Variants in ZG16 observed in about 807,000 individuals in gnomAD.
The protein encoded by ZG16 is zymogen granule membrane protein 16.
Under a neutral mutation model 15.6 loss-of-function variants are expected in ZG16, and 9 were observed. That is an observed-to-expected ratio of 0.58 (90% CI 0.35 to 1.00). ZG16 has a LOEUF of 1.00. ZG16 is among the 50% of genes least tolerant of loss of function. The probability of loss-of-function intolerance (pLI) is 0.02; values close to 1 mark genes in which losing one functional copy is unlikely to be tolerated. For synonymous variants in ZG16, 89 were observed against 87.4 expected, an observed-to-expected ratio of 1.02 and a Z score of -0.10; for missense variants, 174 against 214.8, an observed-to-expected ratio of 0.81 and a Z score of 1.19.
Position 29,780,210 on chromosome 16 carries a change from G to C in ZG16, c.295G>C (p.Gly99Arg), listed in dbSNP as rs957981470. The change falls in exon 4 of 4, where the codon GGG becomes CGG. Residue 99 changes from glycine (G) to arginine (R), a missense_variant. By Grantham distance (125) the Gly-to-Arg change is moderately radical. Coordinates refer to ENST00000400752, the MANE Select transcript of ZG16 (RefSeq NM_152338.4). ...TGGGGAATCAGTGATCCAGGTTTCTGGGAAGTACAAGTGGTACCTGAAGAA... is the reference window on the plus strand; with the variant it reads ...TGGGGAATCAGTGATCCAGGTTTCTCGGAAGTACAAGTGGTACCTGAAGAA... ...HPGESVIQVS[G>R]KYKWYLKKLV... 17 of 1,537,306 alleles carry C rather than the reference G, an allele frequency of 1.1e-5. No homozygotes were observed. The highest frequency in any genetic ancestry group is 1.4e-5 in the Non-Finnish European group (16 of 1,146,944).
At chr16:29,778,921 C>T (rs928525195) in intron 1 of ZG16, among the ~76,000 whole-genome samples, 19 of 152,156 alleles carry the variant, frequency 1.2e-4, no homozygotes, top group Admixed American at 1.1e-3. Context: ...TGTACCTGGG[C>T]TTGGCTGACT....
chr16:29,779,372 G>A, intron 2 of ZG16, 51 bp downstream of exon 2: 1 of 1,536,190 alleles, frequency 6.5e-7, no homozygotes, highest in East Asian at 2.4e-5. Flanking sequence ...AGGCAGCCTT[G>A]GGCACTGCTG....
Position 29,782,146 on chromosome 16 carries a change from C to T in ZG16, c.*1727C>T, listed in dbSNP as rs1163910834. The T allele has an allele frequency of 1.3e-5, 2 of 152,218 alleles. No homozygotes were observed. The highest frequency in any genetic ancestry group is 2.9e-5 in the Non-Finnish European group (2 of 68,046). The allele number at this position is 152,218 out of a possible 1,614,324, so 9.4% of individuals were successfully genotyped here. ...GCTGGATCCCTCATCACTGCCAATA[C>T]GGGGCTAGCAATATGTCTGCCCCAG... is the stretch of plus-strand genomic sequence containing the variant. On this transcript the variant is annotated 3_prime_UTR_variant, in exon 4 of 4. Coordinates refer to ENST00000400752, the MANE Select transcript of ZG16 (RefSeq NM_152338.4).
At chr16:29,779,047 G>C in intron 1 of ZG16, among the ~76,000 whole-genome samples, 1 of 152,198 alleles carries the variant, frequency 6.6e-6, no homozygotes, top group African/African-American at 2.4e-5. Flanking sequence ...AGACCAGGGA[G>C]AGCTGGAGGG....
At chr16:29,778,406 T>C (rs1898580132) in intron 1 of ZG16, 100 bp downstream of exon 1, 1 of 152,264 alleles carries the variant, frequency 6.6e-6, no homozygotes, top group Non-Finnish European at 1.5e-5. Flanking sequence ...AGACTTGAGT[T>C]AATTGGCGCT....
intron 3 of ZG16, 23 bp from the exon 4 acceptor site, chr16:29,780,081 T>C: frequency 1.3e-6 from 2 of 1,521,656 alleles, no homozygotes; most frequent in Non-Finnish European, 1.8e-6. Context: ...TTCTTTCTCC[T>C]TCCTTCCTCC....
At position 29,780,397 on chromosome 16, in the gene ZG16, C is replaced by T. The variant is rs954266979; in HGVS notation, c.482C>T (p.Pro161Leu). ...ATTGGCCTGCACTGGGATGTTTACC[C>T]CAGTAGCTGCAGCAGATGCTGAGCC... ...DAIGLHWDVY[P>L]SSCSRC Residue 161 changes from proline (P) to leucine (L), a missense_variant, in exon 4 of 4, where the codon CCC (proline) becomes CTC (leucine). Pro to Leu is a moderately conservative substitution (Grantham distance 98). Coordinates refer to ENST00000400752, the MANE Select transcript of ZG16 (RefSeq NM_152338.4). 7.8e-6 allele frequency: 12 copies of T among 1,533,338 alleles called. No individual in the cohort carries two copies. In the African/African-American group the frequency reaches 1.6e-4, roughly 21 times the overall value. The allele number at this position is 1,533,338 out of a possible 1,614,324, so 95.0% of individuals were successfully genotyped here.
In ZG16 at chr16:29,779,955, G is replaced by A. The variant is rs988495821; in HGVS notation, c.189-149G>A. 3.1e-5 allele frequency: 24 copies of A among 772,902 alleles called. No homozygotes were observed. In the African/African-American group the frequency reaches 4.2e-4, roughly 14 times the overall value. 47.9% of individuals were successfully genotyped at this position (772,902 alleles called of 1,614,324 possible). A position where few individuals can be genotyped will look rare whatever the true frequency, so the allele number is the denominator to read the frequency against. ...CATGCCACTGCACTCCAGCCTGGGT[G>A]ACAGAGTCTCTTTGTTGGCAAAATG... is the stretch of plus-strand genomic sequence containing the variant. On this transcript the variant is annotated intron_variant, in intron 3 of 3. Transcript: ENST00000400752.
At position 29,780,015 on chromosome 16, in the gene ZG16, C is replaced by T. The variant is rs1898604366; in HGVS notation, c.189-89C>T. ...TCCCTGTAGGATCTTCCAGGGTTCA[C>T]CCAGGCTTCACAGTCTGTAGGACTA... On this transcript the variant is annotated intron_variant, in intron 3 of 3. Transcript: ENST00000400752. The T allele has an allele frequency of 7.3e-6, 9 of 1,231,584 alleles. No individual in the cohort carries two copies. In the African/African-American group the frequency reaches 7.6e-5, roughly 10 times the overall value. The allele number at this position is 1,231,584 out of a possible 1,614,324, so 76.3% of individuals were successfully genotyped here.
Position 29,780,478 on chromosome 16 carries a change from C to G in ZG16, c.*59C>G, listed in dbSNP as rs1238537182. 3 of 1,363,912 alleles carry G rather than the reference C, an allele frequency of 2.2e-6. No homozygotes were observed. Among genetic ancestry groups the G allele is most frequent in the Non-Finnish European group, 2.9e-6 (3 of 1,041,946 alleles). 84.5% of individuals were successfully genotyped at this position (1,363,912 alleles called of 1,614,324 possible). On this transcript the variant is annotated 3_prime_UTR_variant, in exon 4 of 4. Transcript: ENST00000400752. ...GAGTAAGAACTCCCTTATCACTAAC[C>G]CCCATCCAAATGGCTCAATAAAAAA...
rs561174626 is a variant in ZG16, at chr16:29,782,513, T to G, written c.*2094T>G. On this transcript the variant is annotated 3_prime_UTR_variant, in exon 4 of 4. Transcript: ENST00000400752. ...TGTTACCACTTTGAAGGTCTCAGTG[T>G]GTATGCAGGTCCTGAAAAGTTCAAG... is the stretch of plus-strand genomic sequence containing the variant. 120 of 152,284 alleles carry G rather than the reference T, an allele frequency of 7.9e-4. No homozygotes were observed. Among genetic ancestry groups the G allele is most frequent in the African/African-American group, 2.9e-3 (119 of 41,542 alleles). The allele number at this position is 152,284 out of a possible 1,614,324, so 9.4% of individuals were successfully genotyped here. A position where few individuals can be genotyped will look rare whatever the true frequency, so the allele number is the denominator to read the frequency against.
At position 29,780,385 on chromosome 16, in the gene ZG16, G is replaced by C; in HGVS notation, c.470G>C (p.Trp157Ser). Residue 157 changes from tryptophan to serine, a missense_variant, in exon 4 of 4, where the codon TGG becomes TCG. Physicochemically the swap from Trp to Ser is radical, Grantham distance 177. Coordinates refer to ENST00000400752, the MANE Select transcript of ZG16 (RefSeq NM_152338.4). Reference sequence around the variant, plus strand: ...CTCATCGATGCCATTGGCCTGCACTGGGATGTTTACCCCAGTAGCTGCAGC... The same window carrying C: ...CTCATCGATGCCATTGGCCTGCACTCGGATGTTTACCCCAGTAGCTGCAGC... ...GSLIDAIGLH[W>S]DVYPSSCSRC 1 of 1,536,034 alleles carries C rather than the reference G, an allele frequency of 6.5e-7. No individual in the cohort carries two copies. The highest frequency in any genetic ancestry group is 8.7e-7 in the Non-Finnish European group (1 of 1,145,968).
At position 29,781,324 on chromosome 16, in the gene ZG16, A is replaced by G. The variant is rs536861491; in HGVS notation, c.*905A>G. 4 of 152,356 alleles carry G rather than the reference A, an allele frequency of 2.6e-5. No homozygotes were observed. Among genetic ancestry groups the G allele is most frequent in the African/African-American group, 7.2e-5 (3 of 41,572 alleles). The allele number at this position is 152,356 out of a possible 1,614,324, so 9.4% of individuals were successfully genotyped here. ...ACAGGAGAGTCACAAGCATGTTCAC[A>G]TGATAAAGAGGAAGAAAGAGAAAGA... On this transcript the variant is annotated 3_prime_UTR_variant, in exon 4 of 4. Coordinates refer to ENST00000400752, the MANE Select transcript of ZG16 (RefSeq NM_152338.4).
At position 29,781,183 on chromosome 16, in the gene ZG16, A is replaced by G. The variant is rs1379823580; in HGVS notation, c.*764A>G. On this transcript the variant is annotated 3_prime_UTR_variant, in exon 4 of 4. Transcript: ENST00000400752. ...TAAGGAATGAATGGGAGGTGAGAAG[A>G]CACAGGCAGCAAGAATCGAGTGTTT... 3 of 152,302 alleles carry G rather than the reference A, an allele frequency of 2.0e-5. No individual in the cohort carries two copies. Among genetic ancestry groups the G allele is most frequent in the Non-Finnish European group, 4.4e-5 (3 of 68,094 alleles). 9.4% of individuals were successfully genotyped at this position (152,302 alleles called of 1,614,324 possible). A position where few individuals can be genotyped will look rare whatever the true frequency, so the allele number is the denominator to read the frequency against.
In ZG16 at chr16:29,781,076, C is replaced by A. The variant is rs139379325; in HGVS notation, c.*657C>A. 6.6e-6 allele frequency: 1 copy of A among 152,574 alleles called. No individual in the cohort carries two copies. The highest frequency in any genetic ancestry group is 2.4e-5 in the African/African-American group (1 of 41,440). The allele number at this position is 152,574 out of a possible 1,614,324, so 9.5% of individuals were successfully genotyped here. A position where few individuals can be genotyped will look rare whatever the true frequency, so the allele number is the denominator to read the frequency against. Reference sequence around the variant, plus strand: ...GCCACCACCTTCTCAGCAGTGGAAACCCTGCCCACACTATGCTCTTAGGCT... The same window carrying A: ...GCCACCACCTTCTCAGCAGTGGAAAACCTGCCCACACTATGCTCTTAGGCT... On this transcript the variant is annotated 3_prime_UTR_variant, in exon 4 of 4. Coordinates refer to ENST00000400752, the MANE Select transcript of ZG16 (RefSeq NM_152338.4).
In ZG16 at chr16:29,779,295, T is replaced by A. The variant is rs1764872492; in HGVS notation, c.29T>A (p.Leu10His). Residue 10 changes from leucine (L) to histidine (H), a missense_variant, in exon 2 of 4, where the codon CTC becomes CAC. By Grantham distance (99) the Leu-to-His change is moderately conservative. Transcript: ENST00000400752. MLTVALLAL[L>H]CASASGNAIQ... ...TTGACAGTCGCTCTCCTAGCCCTTCTCTGTGCCTCAGCCTCTGGCAATGCC... is the reference window on the plus strand; with the variant it reads ...TTGACAGTCGCTCTCCTAGCCCTTCACTGTGCCTCAGCCTCTGGCAATGCC... 6.5e-7 allele frequency: 1 copy of A among 1,537,662 alleles called. No individual in the cohort carries two copies. The highest frequency in any genetic ancestry group is 8.7e-7 in the Non-Finnish European group (1 of 1,147,042).
chr16:29,779,447 T>C (rs1052668774), intron 2 of ZG16, 58 bp from the exon 3 acceptor site: 55 of 1,534,440 alleles, frequency 3.6e-5, no homozygotes, highest in Middle Eastern at 3.3e-4. Context: ...ACAGGGGTGA[T>C]GCAGAGAAAC....
intron 3 of ZG16, among the ~76,000 whole-genome samples, 195 bp from the exon 4 acceptor site, chr16:29,779,909 G>A (rs1188038174): frequency 6.6e-6 from 1 of 152,104 alleles, no homozygotes; most frequent in East Asian, 1.9e-4. Context: ...CCAGGATGTT[G>A]AGGCTGCAGT....
chr16:29,780,006 C>G, intron 3 of ZG16, 98 bp from the exon 4 acceptor site: 1 of 1,157,448 alleles, frequency 8.6e-7, no homozygotes, highest in African/African-American at 1.6e-5. Flanking sequence ...TAGGATCTTC[C>G]AGGGTTCACC....
Sources: gnomAD v4.1 joint callset for allele counts (sites outside exome capture counted in the v4.1 genomes callset) on GRCh38, gnomAD v4.1.1 for gene constraint, MANE v1.5 for transcripts, NCBI Gene and HGNC (gene_info 2026-07-23, HGNC 2026-07-21) for gene names.